Variants in RREB1 observed in about 807,000 individuals in gnomAD.
RREB1 encodes ras responsive element binding protein 1, also known as ras-responsive element-binding protein 1.
Under a neutral mutation model 117.8 loss-of-function variants are expected in RREB1, and 27 were observed. The ratio of observed to expected loss-of-function variants is 0.23; its 90% confidence interval spans 0.17 to 0.32. The LOEUF is 0.32. Among genes scored for constraint, RREB1 ranks in the 10% least tolerant of loss-of-function variants. The probability of loss-of-function intolerance (pLI) is 1.00; values close to 1 mark genes in which losing one functional copy is unlikely to be tolerated. For missense variants in RREB1, 2,577 were observed against 2,378.2 expected (o/e 1.08, Z -1.74); for synonymous variants, 1,298 against 1,026.7 (o/e 1.26, Z -5.05).
chr6:7,119,592 C>T (rs540593675), intron 1 of RREB1, among the ~76,000 whole-genome samples: 11 of 151,982 alleles, frequency 7.2e-5, no homozygotes, highest in Admixed American at 7.2e-4. Flanking sequence ...AGGTGTGCGT[C>T]CAGGAAAATG....
intron 1 of RREB1, among the ~76,000 whole-genome samples, chr6:7,134,058 T>C (rs1242004299): frequency 6.6e-6 from 1 of 152,200 alleles, no homozygotes; most frequent in East Asian, 1.9e-4. Context: ...TAGGCTAATG[T>C]TATAATTATT....
intron 6 of RREB1, among the ~76,000 whole-genome samples, chr6:7,203,363 G>T (rs539641941): frequency 6.6e-6 from 1 of 152,186 alleles, no homozygotes; most frequent in Non-Finnish European, 1.5e-5. Flanking sequence ...TTTCCAAAAA[G>T]AAAAGAATAC....
intron 2 of RREB1, 96 bp from the exon 3 acceptor site, chr6:7,181,028 G>A (rs1764768156): frequency 2.5e-6 from 1 of 395,120 alleles, no homozygotes; most frequent in Non-Finnish European, 4.5e-6. Context: ...GCATTGTTGT[G>A]AATATAGTGG....
chr6:7,237,547 C>T (rs1179888075), intron 10 of RREB1, among the ~76,000 whole-genome samples: 1 of 152,132 alleles, frequency 6.6e-6, no homozygotes, highest in Non-Finnish European at 1.5e-5. Context: ...TTTAAGCGCT[C>T]GCGTTGGGGC....
At chr6:7,108,592 C>T (rs1477895460) in intron 1 of RREB1, 4 of 152,402 alleles carry the variant, frequency 2.6e-5, no homozygotes, top group African/African-American at 9.7e-5. Flanking sequence ...TCTCCCTCGA[C>T]ATCCTCCCCC....
intron 2 of RREB1, among the ~76,000 whole-genome samples, chr6:7,179,796 GT>G (rs111361161): frequency 4.7e-4 from 70 of 147,798 alleles, no homozygotes; most frequent in African/African-American, 1.1e-3. Flanking sequence ...TTGAAACACA[GT>G]TTTTTTTTTT....
chr6:7,205,855 G>A (rs146399826), intron 6 of RREB1, among the ~76,000 whole-genome samples: 4 of 152,312 alleles, frequency 2.6e-5, no homozygotes, highest in Admixed American at 2.6e-4. Context: ...ACTTGTGGGA[G>A]AAAAGCCATT....
At chr6:7,199,251 A>AATT (rs1765814311) in intron 6 of RREB1, among the ~76,000 whole-genome samples, 1 of 152,202 alleles carries the variant, frequency 6.6e-6, no homozygotes, top group African/African-American at 2.4e-5. Flanking sequence ...TAGTGGGGGT[A>AATT]ACGTTTACTC....
At chr6:7,154,795 G>A (rs1763285255) in intron 1 of RREB1, among the ~76,000 whole-genome samples, 3 of 152,140 alleles carry the variant, frequency 2.0e-5, no homozygotes, top group Non-Finnish European at 4.4e-5. Context: ...TACCCACCGG[G>A]CCTTAAGGTA....
intron 8 of RREB1, chr6:7,215,789 A>T (rs1286481780): frequency 6.6e-6 from 1 of 152,098 alleles, no homozygotes; most frequent in Non-Finnish European, 1.5e-5. Flanking sequence ...CCATGTACTG[A>T]CTCTTTGAAA....
chr6:7,123,789 T>C (rs1761786700), intron 1 of RREB1, among the ~76,000 whole-genome samples: 1 of 152,008 alleles, frequency 6.6e-6, no homozygotes, highest in Admixed American at 6.5e-5. Context: ...TTTTTTGTAT[T>C]TTTAATAGCG....
At chr6:7,180,331 A>G (rs144847455) in intron 2 of RREB1, among the ~76,000 whole-genome samples, 32 of 152,218 alleles carry the variant, frequency 2.1e-4, no homozygotes, top group African/African-American at 7.7e-4. Context: ...CATATCCCCT[A>G]AAGTTGGAGG....
rs1378153373 is a variant in RREB1, at chr6:7,229,025, G to T, written c.926G>T (p.Cys309Phe). The change falls in exon 10 of 13, where the codon TGC becomes TTC. Residue 309 changes from cysteine (C) to phenylalanine (F), a missense_variant. Cys to Phe is a radical substitution (Grantham distance 205). Transcript: ENST00000379938. The surrounding 1 kb of genome is among the most constrained non-coding windows in gnomAD (Gnocchi z 4.5). ...TGGTGCGAAACAAACCTGCGGAGGT[G>T]CATCAGCGAGCAACACCGTTTTGTC... Reference protein sequence around the residue: ...QAWCETNLRRCISEQHRFVCD... With the variant: ...QAWCETNLRRFISEQHRFVCD... 6.5e-7 allele frequency: 1 copy of T among 1,536,450 alleles called. No individual in the cohort carries two copies. Among genetic ancestry groups the T allele is most frequent in the East Asian group, 2.3e-5 (1 of 43,912 alleles).
At chr6:7,122,319 C>G (rs966983319) in intron 1 of RREB1, among the ~76,000 whole-genome samples, 1 of 152,014 alleles carries the variant, frequency 6.6e-6, no homozygotes, top group Non-Finnish European at 1.5e-5. Context: ...ATACTGGAGT[C>G]CAGTGTTGTG....
Position 7,200,278 on chromosome 6 carries a change from G to A in RREB1, c.426-10526G>A, listed in dbSNP as rs62393587. Among the ~76,000 whole-genome samples, 900 of 111,214 alleles carry A rather than the reference G, an allele frequency of 8.1e-3. 4 individuals carry two copies. The highest frequency in any genetic ancestry group is 0.021 in the African/African-American group (366 of 17,054). The allele number at this position is 111,214 out of a possible 152,430, so 73.0% of individuals were successfully genotyped here. A position where few individuals can be genotyped will look rare whatever the true frequency, so the allele number is the denominator to read the frequency against. The stretch of plus-strand genomic sequence containing the variant: ...TGTGTGTGTGTGTGTGTGTGTGTGT[G>A]TGTATTTTTTTTTTTTTCTTTTTTG... On this transcript the variant is annotated intron_variant, in intron 6 of 12. Coordinates refer to ENST00000379938, the MANE Select transcript of RREB1 (RefSeq NM_001003699.4).
intron 1 of RREB1, among the ~76,000 whole-genome samples, chr6:7,160,736 A>C (rs1320748487): frequency 2.0e-5 from 3 of 150,366 alleles, no homozygotes; most frequent in Non-Finnish European, 4.4e-5. Context: ...CACCAGGCTG[A>C]AGTACTGTGG....
At chr6:7,211,425 T>G in intron 7 of RREB1, 148 bp from the exon 8 acceptor site, 1 of 662,120 alleles carries the variant, frequency 1.5e-6, no homozygotes, top group East Asian at 2.6e-5. Context: ...TGTGAATGAA[T>G]GAATGGTCAG....
At chr6:7,126,236 G>A (rs972815218) in intron 1 of RREB1, among the ~76,000 whole-genome samples, 3 of 151,994 alleles carry the variant, frequency 2.0e-5, no homozygotes, top group Admixed American at 6.6e-5. Flanking sequence ...TGCTGACCTC[G>A]TGATCCGCCC....
chr6:7,121,660 C>A (rs2113316510), intron 1 of RREB1, among the ~76,000 whole-genome samples: 1 of 152,194 alleles, frequency 6.6e-6, no homozygotes, highest in Admixed American at 6.5e-5. Flanking sequence ...TGGAACCTGT[C>A]CCCGTGGAGT....
Sources: allele counts gnomAD v4.1 joint callset (sites outside exome capture counted in the v4.1 genomes callset), GRCh38; gene constraint gnomAD v4.1.1; non-coding constraint Gnocchi (gnomAD v3.1); transcripts MANE v1.5; gene names NCBI Gene and HGNC (gene_info 2026-07-23, HGNC 2026-07-21).